FREM2: variants seen among roughly 807,000 people sequenced by gnomAD.
FREM2 encodes the protein FRAS1 related extracellular matrix 2.
A neutral mutation model predicts 219.9 loss-of-function variants in FREM2; 119 were observed. The observed-to-expected ratio is 0.54, with a 90% CI of 0.47 to 0.63. The LOEUF is 0.63. FREM2 is among the 30% of genes least tolerant of loss of function. The pLI is 0.00. For synonymous variants in FREM2, 1,562 were observed against 1,522.8 expected (o/e 1.03, Z -0.60); for missense variants, 4,030 against 3,993.6 (o/e 1.01, Z -0.25).
intron 6 of FREM2, among the ~76,000 whole-genome samples, chr13:38,838,610 G>C (rs1373817220): frequency 1.3e-5 from 2 of 152,122 alleles, no homozygotes; most frequent in African/African-American, 4.8e-5. Context: ...TCAAACGTAG[G>C]TTTGGTCTTT....
intron 2 of FREM2, among the ~76,000 whole-genome samples, chr13:38,698,288 T>A (rs914174816): frequency 1.3e-5 from 2 of 152,146 alleles, no homozygotes; most frequent in African/African-American, 4.8e-5. Flanking sequence ...ATCTCACCAA[T>A]CTCAGGACTT....
At chr13:38,850,304 A>G in intron 9 of FREM2, 69 bp downstream of exon 9, 4 of 1,261,710 alleles carry the variant, frequency 3.2e-6, no homozygotes, top group Non-Finnish European at 4.6e-6. Context: ...AATATATATC[A>G]GGGAAATACA....
At chr13:38,758,234 T>G (rs1011971240) in intron 2 of FREM2, among the ~76,000 whole-genome samples, 1 of 152,244 alleles carries the variant, frequency 6.6e-6, no homozygotes, top group African/African-American at 2.4e-5. Context: ...AATGTCCTAG[T>G]GCCTACCACA....
rs544047008 is a variant in FREM2 at position 38,885,404 on chromosome 13, A to G, written c.*4617A>G. 6.6e-6 allele frequency: 1 copy of G among 152,244 alleles called. No homozygotes were observed. Among genetic ancestry groups the G allele is most frequent in the East Asian group, 1.9e-4 (1 of 5,192 alleles). The allele number at this position is 152,244 out of a possible 1,614,324, so 9.4% of individuals were successfully genotyped here. A position where few individuals can be genotyped will look rare whatever the true frequency, so the allele number is the denominator to read the frequency against. On this transcript the variant is annotated 3_prime_UTR_variant, in exon 24 of 24. Coordinates refer to ENST00000280481, the MANE Select transcript of FREM2 (RefSeq NM_207361.6). The stretch of plus-strand genomic sequence containing the variant: ...GCACATTTAATTTCTTTCCCCTGGT[A>G]TTTGTTTGCTTTGTGTTTTTTCAAT...
At chr13:38,794,320 C>T (rs1874682518) in intron 6 of FREM2, among the ~76,000 whole-genome samples, 1 of 152,136 alleles carries the variant, frequency 6.6e-6, no homozygotes, top group African/African-American at 2.4e-5. Context: ...TAAAAAGAAT[C>T]TAAGAACCAA....
At chr13:38,838,455 A>C (rs1300052246) in intron 6 of FREM2, among the ~76,000 whole-genome samples, 1 of 152,064 alleles carries the variant, frequency 6.6e-6, no homozygotes, top group Non-Finnish European at 1.5e-5. Context: ...TGCTCTTTTC[A>C]AGGAGTATCT....
intron 6 of FREM2, among the ~76,000 whole-genome samples, chr13:38,824,942 A>AC (rs1428542648): frequency 6.6e-6 from 1 of 150,764 alleles, no homozygotes; most frequent in Non-Finnish European, 1.5e-5. Flanking sequence ...ACCAGCCTAA[A>AC]CCCAGGCAGC....
At position 38,688,269 on chromosome 13, in the gene FREM2, A is replaced by G. The variant is rs747714713; in HGVS notation, c.925A>G (p.Ile309Val). The change falls in exon 1 of 24, where the codon ATC becomes GTC. Residue 309 changes from isoleucine to valine, a missense_variant. Ile to Val is a conservative substitution (Grantham distance 29). Coordinates refer to ENST00000280481, the MANE Select transcript of FREM2 (RefSeq NM_207361.6). ...CGAGCACTTCCAGGTTCTGGTGAGG[A>G]TCCGAGGAGGGGCCGAGAACACTGC... is the stretch of plus-strand genomic sequence containing the variant. ...KREHFQVLVR[I>V]RGGAENTAPK... 1.2e-6 allele frequency: 2 copies of G among 1,614,020 alleles called. No homozygotes were observed. The highest frequency in any genetic ancestry group is 2.2e-5 in the East Asian group (1 of 44,854).
chr13:38,859,265 C>G (rs748028072), intron 13 of FREM2, 22 bp from the exon 14 acceptor site: 1 of 1,612,546 alleles, frequency 6.2e-7, no homozygotes, highest in Non-Finnish European at 8.5e-7. Context: ...CTGTTCCTAA[C>G]ACAGTCATTT....
intron 4 of FREM2, among the ~76,000 whole-genome samples, chr13:38,776,125 G>A (rs1873860942): frequency 6.6e-6 from 1 of 152,194 alleles, no homozygotes; most frequent in African/African-American, 2.4e-5. Flanking sequence ...CCATAGAAAT[G>A]TAAGAAAGCT....
intron 6 of FREM2, among the ~76,000 whole-genome samples, chr13:38,834,850 C>A (rs923574423): frequency 6.6e-6 from 1 of 152,102 alleles, no homozygotes; most frequent in African/African-American, 2.4e-5. Context: ...GGACACTAGC[C>A]CTTTATCAGA....
At chr13:38,828,064 G>T (rs1235406086) in intron 6 of FREM2, among the ~76,000 whole-genome samples, 1 of 152,100 alleles carries the variant, frequency 6.6e-6, no homozygotes, top group Non-Finnish European at 1.5e-5. Flanking sequence ...TTAGTTTGAT[G>T]CATCTTTCCA....
chr13:38,841,363 G>A (rs139663110), intron 6 of FREM2, among the ~76,000 whole-genome samples: 16 of 152,020 alleles, frequency 1.1e-4, no homozygotes, highest in African/African-American at 3.6e-4. Context: ...TCTTCTGCTC[G>A]GTTTTGCCAT....
At chr13:38,825,437 A>G (rs1461391007) in intron 6 of FREM2, among the ~76,000 whole-genome samples, 1 of 152,114 alleles carries the variant, frequency 6.6e-6, no homozygotes, top group Non-Finnish European at 1.5e-5. Flanking sequence ...TATTTATTAA[A>G]AAAAAACCCA....
chr13:38,695,366 C>A lies in FREM2; in HGVS notation c.5174-2332C>A, dbSNP rs1296064299. ...TGTTCCAACTAATCAATAACACATG[C>A]CCTAACTTGGAGGGAAAATTGGGTA... is the stretch of plus-strand genomic sequence containing the variant. On this transcript the variant is annotated intron_variant, in intron 1 of 23. Coordinates refer to ENST00000280481, the MANE Select transcript of FREM2 (RefSeq NM_207361.6). 3.3e-5 allele frequency among the ~76,000 whole-genome samples: 5 copies of A among 152,124 alleles called. No individual in the cohort carries two copies. In the South Asian group the frequency reaches 1.0e-3, roughly 32 times the overall value.
At chr13:38,856,042 C>G (rs1001470854) in intron 11 of FREM2, 84 bp from the exon 12 acceptor site, 5 of 831,534 alleles carry the variant, frequency 6.0e-6, no homozygotes, top group Non-Finnish European at 9.2e-6. Context: ...TTGTAGGCCA[C>G]AGTAAAAAAA....
chr13:38,692,209 A>C lies in FREM2; in HGVS notation c.4865A>C (p.Asp1622Ala). 1 of 1,614,170 alleles carries C rather than the reference A, an allele frequency of 6.2e-7. No individual in the cohort carries two copies. Residue 1622 changes from aspartate (D) to alanine (A), a missense_variant, in exon 1 of 24, where the codon GAT (aspartate) becomes GCT (alanine). Physicochemically the swap from Asp to Ala is moderately radical, Grantham distance 126. Transcript: ENST00000280481. ...GATAGCTTCTCCTTCACAGTGACTGATGGCACCCATACAGACTTCTATGTT... is the reference window on the plus strand; with the variant it reads ...GATAGCTTCTCCTTCACAGTGACTGCTGGCACCCATACAGACTTCTATGTT... ...SEDSFSFTVT[D>A]GTHTDFYVFP...
intron 8 of FREM2, among the ~76,000 whole-genome samples, chr13:38,849,668 A>G (rs1877297750): frequency 1.3e-5 from 2 of 152,308 alleles, no homozygotes; most frequent in Admixed American, 6.5e-5. Flanking sequence ...AGTTACCTAC[A>G]TGATCTGAGT....
chr13:38,751,402 TCTC>T (rs1477736222), intron 2 of FREM2, among the ~76,000 whole-genome samples: 3 of 152,160 alleles, frequency 2.0e-5, no homozygotes, highest in Non-Finnish European at 4.4e-5. Context: ...TTCCAGCTTA[TCTC>T]CTCCTCCCCT....
Sources: gnomAD v4.1 joint callset for allele counts (sites outside exome capture counted in the v4.1 genomes callset) on GRCh38, gnomAD v4.1.1 for gene constraint, MANE v1.5 for transcripts, NCBI Gene and HGNC (gene_info 2026-07-23, HGNC 2026-07-21) for gene names.